The following ADGRL2 variants were observed in gnomAD, a reference collection of about 807,000 sequenced individuals.
ADGRL2 encodes the protein adhesion G protein-coupled receptor L2.
In ADGRL2, 44 loss-of-function variants were observed where a neutral mutation model predicts 157.4. That is an observed-to-expected ratio of 0.28 (90% CI 0.22 to 0.36). ADGRL2 has a LOEUF of 0.36. Ranked by LOEUF, ADGRL2 falls within the 10% of genes least tolerant of loss-of-function variation. The probability of loss-of-function intolerance (pLI) is 1.00; values close to 1 mark genes in which losing one functional copy is unlikely to be tolerated. For missense variants in ADGRL2, 1,510 were observed against 1,768.9 expected, an observed-to-expected ratio of 0.85 and a Z score of 2.63; for synonymous variants, 585 against 624.7, an observed-to-expected ratio of 0.94 and a Z score of 0.95.
At chr1:81,585,669 A>G (rs2081011565) in intron 3 of ADGRL2, among the ~76,000 whole-genome samples, 1 of 152,084 alleles carries the variant, frequency 6.6e-6, no homozygotes, top group African/African-American at 2.4e-5. Flanking sequence ...ACATTTCCTG[A>G]CATAATTTCC....
chr1:81,812,489 A>T (rs866468362), intron 1 of ADGRL2, among the ~76,000 whole-genome samples: 102 of 151,866 alleles, frequency 6.7e-4, no homozygotes, highest in African/African-American at 2.4e-3. Context: ...GATTAAAAAT[A>T]ACTTAAAATA....
chr1:81,688,978 C>G (rs190546321), intron 3 of ADGRL2, among the ~76,000 whole-genome samples: 1 of 152,140 alleles, frequency 6.6e-6, no homozygotes, highest in Admixed American at 6.5e-5. Flanking sequence ...CCCAGCTCCA[C>G]GCTGGTACTG....
At chr1:81,518,512 G>A (rs539323417) in intron 2 of ADGRL2, among the ~76,000 whole-genome samples, 41 of 152,312 alleles carry the variant, frequency 2.7e-4, no homozygotes, top group Non-Finnish European at 1.6e-4. Flanking sequence ...TCAGGTGAGA[G>A]TCTTCTGACT....
chr1:81,819,015 G>A (rs2090711410), intron 1 of ADGRL2, among the ~76,000 whole-genome samples: 1 of 152,148 alleles, frequency 6.6e-6, no homozygotes, highest in Admixed American at 6.6e-5. Flanking sequence ...TTTGGGACAT[G>A]ATTATGAACA....
At chr1:81,511,517 A>G (rs2079077318) in intron 2 of ADGRL2, among the ~76,000 whole-genome samples, 1 of 152,168 alleles carries the variant, frequency 6.6e-6, no homozygotes. Context: ...TCTTTAACAT[A>G]TCAGTTCTCT....
chr1:81,795,457 A>G (rs1472464140), upstream of ADGRL2, among the ~76,000 whole-genome samples: 2 of 152,302 alleles, frequency 1.3e-5, no homozygotes, highest in East Asian at 1.9e-4. Flanking sequence ...CATAGAGTAT[A>G]ATTACTTTAT....
chr1:81,818,011 AAAAT>A (rs35125297), intron 1 of ADGRL2, among the ~76,000 whole-genome samples: 37,997 of 151,310 alleles, frequency 0.25, 5,599 homozygotes, highest in East Asian at 0.67. Flanking sequence ...AGAAATTAAA[AAAAT>A]AAATAAATAA....
At position 81,786,348 on chromosome 1, in the gene ADGRL2, C is replaced by T. The variant is rs868710461; in HGVS notation, c.-101+24496C>T. ...ATCCTAGCACTTTGGGAGGCTGACA[C>T]GGGTGGATCACTTGAGGCCGGGAAT... On this transcript the variant is annotated intron_variant, in intron 2 of 20. Coordinates refer to the ADGRL2 transcript ENST00000359929. Among the ~76,000 whole-genome samples the T allele has an allele frequency of 3.3e-5, 5 of 152,128 alleles. No homozygotes were observed. In the South Asian group the frequency reaches 6.2e-4, roughly 19 times the overall value.
intron 3 of ADGRL2, among the ~76,000 whole-genome samples, chr1:81,932,028 G>A (rs1369475757): frequency 2.0e-5 from 3 of 152,134 alleles, no homozygotes; most frequent in Non-Finnish European, 2.9e-5. Flanking sequence ...TGTATTTATT[G>A]CCTTCCTAGA....
intron 2 of ADGRL2, among the ~76,000 whole-genome samples, chr1:81,906,296 T>C (rs557523792): frequency 2.6e-4 from 40 of 152,228 alleles, no homozygotes; most frequent in African/African-American, 9.4e-4. Flanking sequence ...GGTTTGAAAA[T>C]TGCTGCTTTT....
chr1:81,905,947 A>AGTGTGTGTGTGT (rs3046460), intron 2 of ADGRL2, among the ~76,000 whole-genome samples: 52 of 144,572 alleles, frequency 3.6e-4, no homozygotes, highest in East Asian at 2.5e-3. Flanking sequence ...AAAAAAGCAG[A>AGTGTGTGTGTGT]GTGTGTGTGT....
intron 1 of ADGRL2, among the ~76,000 whole-genome samples, chr1:81,312,036 A>G (rs1659789078): frequency 6.6e-6 from 1 of 152,180 alleles, no homozygotes; most frequent in Non-Finnish European, 1.5e-5. Context: ...CAGACACTAT[A>G]AATGAAATGG....
chr1:81,630,599 C>T (rs1479397307), intron 3 of ADGRL2, among the ~76,000 whole-genome samples: 1 of 151,942 alleles, frequency 6.6e-6, no homozygotes, highest in Non-Finnish European at 1.5e-5. Flanking sequence ...CTCAGTTTTC[C>T]TAGAATTTTA....
At chr1:81,936,870 GC>G in intron 4 of ADGRL2, 33 bp downstream of exon 4, 2 of 1,310,482 alleles carry the variant, frequency 1.5e-6, no homozygotes, top group Non-Finnish European at 2.2e-6. Context: ...TTTACACTTT[GC>G]CCAGCATTAC....
At chr1:81,658,190 G>C (rs536285521) in intron 3 of ADGRL2, among the ~76,000 whole-genome samples, 1 of 152,272 alleles carries the variant, frequency 6.6e-6, no homozygotes, top group East Asian at 1.9e-4. Flanking sequence ...CTGCCTCCCA[G>C]GTTCAAGTGA....
intron 6 of ADGRL2, among the ~76,000 whole-genome samples, chr1:81,949,968 C>G (rs1334253688): frequency 1.3e-5 from 2 of 152,166 alleles, no homozygotes; most frequent in African/African-American, 4.8e-5. Flanking sequence ...AAAGCCTAAA[C>G]TACCTACTTT....
Position 81,494,920 on chromosome 1 carries a change from G to A in ADGRL2, c.-248+49831G>A, listed in dbSNP as rs990833364. ...AAATTAATTCGCCCATGTAAACCTT[G>A]AGTAGGCAAATTTGCACTTAGAACA... On this transcript the variant is annotated intron_variant, in intron 2 of 24. Coordinates refer to the ADGRL2 transcript ENST00000370721. 2.6e-5 allele frequency among the ~76,000 whole-genome samples: 4 copies of A among 152,156 alleles called. No homozygotes were observed. The East Asian group carries it at 5.8e-4, about 22-fold the overall frequency.
intron 2 of ADGRL2, among the ~76,000 whole-genome samples, chr1:81,453,613 T>G (rs761333395): frequency 6.6e-6 from 1 of 152,182 alleles, no homozygotes; most frequent in African/African-American, 2.4e-5. Context: ...TTTACATAGT[T>G]GTAAACTGGG....
At chr1:81,334,566 A>G (rs1661502784) in intron 1 of ADGRL2, among the ~76,000 whole-genome samples, 1 of 152,230 alleles carries the variant, frequency 6.6e-6, no homozygotes, top group Non-Finnish European at 1.5e-5. Context: ...TTGACGTTAC[A>G]TAAATACATA....
Sources: gnomAD v4.1 joint callset for allele counts (sites outside exome capture counted in the v4.1 genomes callset) on GRCh38, gnomAD v4.1.1 for gene constraint, MANE v1.5 for transcripts, NCBI Gene and HGNC (gene_info 2026-07-23, HGNC 2026-07-21) for gene names.